The following ANGPT1 variants were observed in gnomAD, a reference collection of about 807,000 sequenced individuals.
The protein encoded by ANGPT1 is angiopoietin 1.
ANGPT1 carries 17 observed loss-of-function variants against 62.2 expected under a neutral mutation model. That is an observed-to-expected ratio of 0.27 (90% CI 0.19 to 0.41). ANGPT1 has a LOEUF of 0.41. Among genes scored for constraint, ANGPT1 ranks in the 10% least tolerant of loss-of-function variants. The pLI is 1.00. For synonymous variants in ANGPT1, 199 were observed against 198.9 expected (o/e 1.00, Z 0.00); for missense variants, 478 against 594.9 (o/e 0.80, Z 2.04).
intron 1 of ANGPT1, among the ~76,000 whole-genome samples, chr8:107,478,504 G>A (rs988638247): frequency 6.6e-6 from 1 of 152,052 alleles, no homozygotes; most frequent in Non-Finnish European, 1.5e-5. Flanking sequence ...AACTGAGATC[G>A]CACGGCTGCA....
chr8:107,469,590 C>T (rs1355483725), intron 1 of ANGPT1, among the ~76,000 whole-genome samples: 2 of 151,906 alleles, frequency 1.3e-5, no homozygotes, highest in Non-Finnish European at 2.9e-5. Context: ...GCAGAAAAGT[C>T]CATGCCAAAA....
intron 2 of ANGPT1, among the ~76,000 whole-genome samples, chr8:107,339,412 A>G (rs1195840495): frequency 2.0e-5 from 3 of 152,086 alleles, no homozygotes; most frequent in East Asian, 1.9e-4. Context: ...GACTAGCCAA[A>G]TTCATTCCAA....
chr8:107,256,846 T>G (rs867032486), intron 8 of ANGPT1, among the ~76,000 whole-genome samples: 1,614 of 146,622 alleles, frequency 0.011, 18 homozygotes, highest in Middle Eastern at 0.021. Flanking sequence ...TTTGTTCTGT[T>G]TTTTTTTTTG....
At chr8:107,394,073 A>T (rs2130310615) in intron 1 of ANGPT1, among the ~76,000 whole-genome samples, 1 of 152,314 alleles carries the variant, frequency 6.6e-6, no homozygotes, top group East Asian at 1.9e-4. Flanking sequence ...TATAGATTTT[A>T]TTACAGTGCC....
intron 1 of ANGPT1, among the ~76,000 whole-genome samples, chr8:107,451,241 T>C (rs765097447): frequency 6.6e-6 from 1 of 151,656 alleles, no homozygotes; most frequent in Non-Finnish European, 1.5e-5. Context: ...AAAGTACAGA[T>C]TCAGGAAGGG....
At chr8:107,274,220 C>T (rs1274865624) in intron 7 of ANGPT1, among the ~76,000 whole-genome samples, 1 of 152,122 alleles carries the variant, frequency 6.6e-6, no homozygotes, top group African/African-American at 2.4e-5. Flanking sequence ...GTACTTTAAA[C>T]AGGCACCCTA....
At chr8:107,332,560 C>G (rs1380423749) in intron 3 of ANGPT1, among the ~76,000 whole-genome samples, 2 of 152,160 alleles carry the variant, frequency 1.3e-5, no homozygotes, top group African/African-American at 4.8e-5. Context: ...ACAAGTGATG[C>G]ATTTAATTTG....
intron 1 of ANGPT1, among the ~76,000 whole-genome samples, chr8:107,396,582 A>G (rs1816941094): frequency 7.8e-6 from 1 of 127,646 alleles, no homozygotes; most frequent in Admixed American, 1.0e-4. Context: ...AGTGCACACC[A>G]TGACCAAAAC....
intron 3 of ANGPT1, among the ~76,000 whole-genome samples, chr8:107,332,027 C>T (rs1315909736): frequency 6.6e-6 from 1 of 152,118 alleles, no homozygotes; most frequent in Non-Finnish European, 1.5e-5. Flanking sequence ...GGAAAACTGG[C>T]CAGTTGACCA....
At chr8:107,457,294 T>C (rs1252006936) in intron 1 of ANGPT1, among the ~76,000 whole-genome samples, 1 of 152,078 alleles carries the variant, frequency 6.6e-6, no homozygotes, top group African/African-American at 2.4e-5. Flanking sequence ...TTAGCACATA[T>C]GAATGTCTTC....
chr8:107,324,129 C>G, intron 3 of ANGPT1, among the ~76,000 whole-genome samples: 1 of 149,138 alleles, frequency 6.7e-6, no homozygotes, highest in African/African-American at 2.5e-5. Context: ...TATGGCCTGC[C>G]CATGCTTGCC....
intron 2 of ANGPT1, among the ~76,000 whole-genome samples, chr8:107,345,465 A>T (rs563379483): frequency 2.0e-5 from 3 of 152,320 alleles, no homozygotes; most frequent in Admixed American, 2.0e-4. Flanking sequence ...GAGATTAAAA[A>T]ACAACCCAAG....
At chr8:107,266,365 T>C (rs1005499548) in intron 7 of ANGPT1, among the ~76,000 whole-genome samples, 1 of 152,116 alleles carries the variant, frequency 6.6e-6, no homozygotes, top group Non-Finnish European at 1.5e-5. Flanking sequence ...CAAGAGACTT[T>C]TGTCAGGCCT....
In ANGPT1 at chr8:107,251,892, C is replaced by T. The variant is rs774208271; in HGVS notation, c.1460G>A (p.Arg487His). 17 of 1,613,922 alleles carry T rather than the reference C, an allele frequency of 1.1e-5. No individual in the cohort carries two copies. Among genetic ancestry groups the T allele is most frequent in the East Asian group, 4.5e-5 (2 of 44,874 alleles). ...AGGTCGAATCATCATAGTTGTGGAA[C>T]GTAAGGAGTAACTGGGCCCTTTGAA... ...HYFKGPSYSL[R>H]STTMMIRPLD... Residue 487 changes from arginine (R) to histidine (H), a missense_variant, in exon 9 of 9, where the codon CGT becomes CAT. Around this residue, in one of 4 missense-constraint regions of ANGPT1, gnomAD observed 35 missense variants for 49.6 expected, o/e 0.71. Coordinates refer to ENST00000517746, the MANE Select transcript of ANGPT1 (RefSeq NM_001146.5).
At chr8:107,377,828 A>C (rs1816558801) in intron 1 of ANGPT1, among the ~76,000 whole-genome samples, 1 of 152,212 alleles carries the variant, frequency 6.6e-6, no homozygotes, top group Non-Finnish European at 1.5e-5. Flanking sequence ...GAGTGCATTG[A>C]ATAGAAGAAA....
chr8:107,413,622 C>T (rs780491641), intron 1 of ANGPT1, among the ~76,000 whole-genome samples: 2 of 148,526 alleles, frequency 1.3e-5, no homozygotes, highest in South Asian at 2.1e-4. Context: ...TAATGAATTA[C>T]TATTTATTAA....
At chr8:107,291,845 T>C (rs1261282248) in intron 6 of ANGPT1, among the ~76,000 whole-genome samples, 1 of 127,632 alleles carries the variant, frequency 7.8e-6, no homozygotes, top group Non-Finnish European at 1.6e-5. Flanking sequence ...CAATTCTCCA[T>C]ACCAATCCCA....
chr8:107,323,053 G>A (rs1221476130), intron 3 of ANGPT1, among the ~76,000 whole-genome samples: 2 of 152,136 alleles, frequency 1.3e-5, no homozygotes, highest in East Asian at 3.9e-4. Flanking sequence ...TTGGCTGATG[G>A]TATGGTCTTC....
At chr8:107,359,225 C>A (rs1439115501) in intron 1 of ANGPT1, among the ~76,000 whole-genome samples, 6 of 152,082 alleles carry the variant, frequency 3.9e-5, no homozygotes, top group Non-Finnish European at 8.8e-5. Context: ...GAGAGGAGTA[C>A]AATGTCTTTC....
Sources: allele counts gnomAD v4.1 joint callset (sites outside exome capture counted in the v4.1 genomes callset), GRCh38; gene constraint gnomAD v4.1.1; regional missense constraint gnomAD v4.1.1; transcripts MANE v1.5; gene names NCBI Gene and HGNC (gene_info 2026-07-23, HGNC 2026-07-21).